Variants in WDR1 observed in about 807,000 individuals in gnomAD.
WDR1 encodes WD repeat domain 1.
Under a neutral mutation model 71.9 loss-of-function variants are expected in WDR1, and 21 were observed. The ratio of observed to expected loss-of-function variants is 0.29; its 90% CI spans 0.21 to 0.42. The LOEUF (loss-of-function observed/expected upper bound fraction) is 0.42, where lower values mean the gene tolerates loss of function less well. Among genes scored for constraint, WDR1 ranks in the 10% least tolerant of loss-of-function variants. The pLI is 1.00. For synonymous variants in WDR1, 424 were observed against 347.4 expected, an observed-to-expected ratio of 1.22 and a Z score of -2.45; for missense variants, 696 against 824.5, an observed-to-expected ratio of 0.84 and a Z score of 1.91.
In WDR1 at chr4:10,083,012, G is replaced by C. The variant is rs1354140176; in HGVS notation, c.1196+10C>G. The C allele has an allele frequency of 1.2e-6, 2 of 1,603,798 alleles. No homozygotes were observed. The highest frequency in any genetic ancestry group is 1.7e-5 in the Admixed American group (1 of 59,698). ...TCATCCGGAACCCCCGCAGACCCGA[G>C]TGCTCTCACCTGTAGTCCCGCAGCA... On this transcript the variant is annotated intron_variant, in intron 10 of 14. Coordinates refer to ENST00000499869, the MANE Select transcript of WDR1 (RefSeq NM_017491.5).
chr4:10,092,877 TGCA>T, intron 5 of WDR1: 1 of 417,874 alleles, frequency 2.4e-6, no homozygotes, highest in Admixed American at 2.6e-5. Flanking sequence ...CCAGCGGGGC[TGCA>T]GCAGTCTCAG....
chr4:10,077,871 T>C lies in WDR1; in HGVS notation c.1451A>G (p.Lys484Arg). The C allele has an allele frequency of 6.2e-7, 1 of 1,611,600 alleles. No homozygotes were observed. ...ILGTTLKDEG[K>R]LLEAKGPVTD... ...CACGGGGCCCTTGGCCTCTAGGAGC[T>C]TGCCCTCATCCTTCAGCGTGGTGCC... The change falls in exon 13 of 15, where the codon AAG becomes AGG. Residue 484 changes from lysine to arginine, a missense_variant. Physicochemically the swap from Lys to Arg is conservative, Grantham distance 26. Transcript: ENST00000499869.
chr4:10,074,963 GTACA>G lies in WDR1; in HGVS notation c.*411_*414del, dbSNP rs1764742019. On this transcript the variant is annotated 3_prime_UTR_variant, in exon 15 of 15. Transcript: ENST00000499869. ...CAATGCATATTCCCTCTTCTCACTAGTACAGAAATGTTCTGCAGGCAGGAACATG... is the reference window on the plus strand; with the variant it reads ...CAATGCATATTCCCTCTTCTCACTAGGAAATGTTCTGCAGGCAGGAACATG... 1 of 233,020 alleles carries G rather than the reference GTACA, an allele frequency of 4.3e-6. No homozygotes were observed. Among genetic ancestry groups the G allele is most frequent in the African/African-American group, 2.2e-5 (1 of 44,630 alleles). 14.4% of individuals were successfully genotyped at this position (233,020 alleles called of 1,614,324 possible).
At position 10,103,952 on chromosome 4, in the gene WDR1, G is replaced by A. The variant is rs1712863664; in HGVS notation, c.173C>T (p.Ala58Val). 5 of 1,603,048 alleles carry A rather than the reference G, an allele frequency of 3.1e-6. No individual in the cohort carries two copies. The highest frequency in any genetic ancestry group is 4.3e-6 in the Non-Finnish European group (5 of 1,175,164). The change falls in exon 3 of 15, where the codon GCC becomes GTC. Residue 58 changes from alanine (A) to valine (V), a missense_variant. Physicochemically the swap from Ala to Val is moderately conservative, Grantham distance 64. Transcript: ENST00000499869. ...ATACTTGGCCACCACCACCTGATGG[G>A]CGTGCTCTGTGTAGATGTCAGCAAG... ...PALADIYTEH[A>V]HQVVVAKYAP... is the part of the protein sequence containing the mutation.
chr4:10,078,944 G>C lies in WDR1; in HGVS notation c.1342C>G (p.Pro448Ala). 6.2e-7 allele frequency: 1 copy of C among 1,612,892 alleles called. No homozygotes were observed. The highest frequency in any genetic ancestry group is 8.5e-7 in the Non-Finnish European group (1 of 1,179,364). The change falls in exon 12 of 15, where the codon CCC becomes GCC. Residue 448 changes from proline to alanine, a missense_variant. Coordinates refer to ENST00000499869, the MANE Select transcript of WDR1 (RefSeq NM_017491.5). ...CCGGGGTGCACTGCCACAACTTCGG[G>C]CTCGTAGCCGGGGTTGTCGATGCTG... ...CFSIDNPGYE[P>A]EVVAVHPGGD...
chr4:10,091,531 A>G (rs1578429306), intron 5 of WDR1: 1 of 152,328 alleles, frequency 6.6e-6, no homozygotes. Context: ...ACCTGCACGA[A>G]TCTGGTCTCC....
Position 10,116,632 on chromosome 4 carries a change from C to T in WDR1, c.16+19G>A. The T allele has an allele frequency of 8.0e-7, 1 of 1,245,326 alleles. No individual in the cohort carries two copies. The highest frequency in any genetic ancestry group is 3.0e-5 in the South Asian group (1 of 33,782). 77.1% of individuals were successfully genotyped at this position (1,245,326 alleles called of 1,614,324 possible). On this transcript the variant is annotated intron_variant, in intron 1 of 14. Coordinates refer to ENST00000499869, the MANE Select transcript of WDR1 (RefSeq NM_017491.5). ...GGCAGCGCGGCGGCCGCTCGGGGGC[C>T]CCGCGCCGCGGCACTTACTGATCTC...
In WDR1 at chr4:10,088,304, C is replaced by T. The variant is rs1300919500; in HGVS notation, c.706G>A (p.Gly236Arg). 1 of 1,554,484 alleles carries T rather than the reference C, an allele frequency of 6.4e-7. No homozygotes were observed. The change falls in exon 7 of 15, where the codon GGG (glycine) becomes AGG (arginine). Residue 236 changes from glycine to arginine, a missense_variant. Gly to Arg is a moderately radical substitution (Grantham distance 125). Transcript: ENST00000499869. Reference sequence around the variant, plus strand: ...ACGCTCATACTCACTGCGTAAATCCCACCGTCGTGGGCCTTGCTTCCGCCC... The same window carrying T: ...ACGCTCATACTCACTGCGTAAATCCTACCGTCGTGGGCCTTGCTTCCGCCC... ...ALGGSKAHDGGIYAISWSPDS... is the reference protein window; with the variant it reads ...ALGGSKAHDGRIYAISWSPDS...
intron 2 of WDR1, among the ~76,000 whole-genome samples, chr4:10,114,850 C>T (rs891519757): frequency 2.0e-5 from 3 of 152,190 alleles, no homozygotes; most frequent in African/African-American, 7.2e-5. Flanking sequence ...CCCAGCAATC[C>T]AGGGCAGGTA....
chr4:10,115,103 C>G (rs1713629475), intron 2 of WDR1, among the ~76,000 whole-genome samples: 1 of 152,354 alleles, frequency 6.6e-6, no homozygotes, highest in Non-Finnish European at 1.5e-5. Flanking sequence ...CCTTGTATGC[C>G]TATGGCATCA....
chr4:10,112,465 T>G (rs887090701), intron 2 of WDR1, among the ~76,000 whole-genome samples: 2 of 152,216 alleles, frequency 1.3e-5, no homozygotes, highest in Non-Finnish European at 2.9e-5. Context: ...TCTTTCACTC[T>G]ACAGAGGAGA....
chr4:10,114,407 T>C (rs182386627), intron 2 of WDR1, among the ~76,000 whole-genome samples: 2 of 152,344 alleles, frequency 1.3e-5, no homozygotes, highest in East Asian at 1.9e-4. Flanking sequence ...CCTTGCTAAG[T>C]CTGACTCCTC....
intron 14 of WDR1, 134 bp from the exon 15 acceptor site, chr4:10,075,618 T>G: frequency 1.3e-6 from 1 of 799,392 alleles, no homozygotes; most frequent in East Asian, 2.7e-5. Context: ...TCGTTGTAAC[T>G]CAGGAGCCTG....
chr4:10,115,815 C>T (rs73104536), intron 2 of WDR1: 221 of 335,920 alleles, frequency 6.6e-4, no homozygotes, highest in African/African-American at 3.9e-3. Flanking sequence ...ACGTACTAAC[C>T]AGGCCTGACC....
At position 10,077,706 on chromosome 4, in the gene WDR1, C is replaced by G. The variant is rs1371580047; in HGVS notation, c.1569+47G>C. On this transcript the variant is annotated intron_variant, in intron 13 of 14. Transcript: ENST00000499869. The stretch of plus-strand genomic sequence containing the variant: ...GTCACAGATAACCTCCCACTGCCAC[C>G]TGCACCGCCCAGCACGGGGACAGAG... 7 of 1,505,388 alleles carry G rather than the reference C, an allele frequency of 4.6e-6. No homozygotes were observed. In the South Asian group the frequency reaches 6.6e-5, roughly 14 times the overall value. The allele number at this position is 1,505,388 out of a possible 1,614,324, so 93.3% of individuals were successfully genotyped here.
At position 10,088,353 on chromosome 4, in the gene WDR1, C is replaced by T. The variant is rs530679433; in HGVS notation, c.657G>A (p.Lys219=). ...CCAGCGCGCACACCTTCTCCCCAGT[C>T]TTCCCGTCATAGATGTATATCTTCC... ...ADGQIYIYDG[K]TGEKVCALGG... The change falls in exon 7 of 15, where the codon AAG becomes AAA. Residue 219 remains lysine (K), a synonymous_variant. Transcript: ENST00000499869. 44 of 1,558,876 alleles carry T rather than the reference C, an allele frequency of 2.8e-5. No homozygotes were observed. The South Asian group carries it at 4.6e-4, about 16-fold the overall frequency.
intron 11 of WDR1, among the ~76,000 whole-genome samples, chr4:10,080,634 G>A (rs541365067): frequency 3.3e-5 from 5 of 152,198 alleles, no homozygotes; most frequent in African/African-American, 1.2e-4. Flanking sequence ...TGACTTCCCC[G>A]GTCTACATGC....
At chr4:10,092,928 G>A (rs542653854) in intron 5 of WDR1, 1 of 586,988 alleles carries the variant, frequency 1.7e-6, no homozygotes, top group African/African-American at 1.9e-5. Flanking sequence ...ACGGTGTCCG[G>A]TCCACACTCC....
Position 10,075,363 on chromosome 4 carries a change from C to T in WDR1, c.*15G>A, listed in dbSNP as rs374601940. On this transcript the variant is annotated 3_prime_UTR_variant, in exon 15 of 15. Transcript: ENST00000499869. ...GTCCCTGATTCGGTCCATCCAGAGGCGGGGGTGGGGCTCCTCAGTAGGTGA... is the reference window on the plus strand; with the variant it reads ...GTCCCTGATTCGGTCCATCCAGAGGTGGGGGTGGGGCTCCTCAGTAGGTGA... 2.9e-4 allele frequency: 465 copies of T among 1,598,864 alleles called. No individual in the cohort carries two copies. Among genetic ancestry groups the T allele is most frequent in the South Asian group, 1.1e-3 (99 of 90,758 alleles).
Sources: gnomAD v4.1 joint callset for allele counts (sites outside exome capture counted in the v4.1 genomes callset) on GRCh38, gnomAD v4.1.1 for gene constraint, MANE v1.5 for transcripts, NCBI Gene and HGNC (gene_info 2026-07-23, HGNC 2026-07-21) for gene names.